GDAP1: variants seen among roughly 807,000 people sequenced by gnomAD.
GDAP1 encodes ganglioside-induced differentiation-associated protein 1.
GDAP1 carries 34 observed loss-of-function variants against 40.1 expected under a neutral mutation model. The ratio of observed to expected loss-of-function variants is 0.85; its 90% CI spans 0.64 to 1.13. The LOEUF (loss-of-function observed/expected upper bound fraction) is 1.13. Among genes scored for constraint, GDAP1 ranks in the 50% most tolerant of loss-of-function variants. The pLI is 0.00. For synonymous variants in GDAP1, 170 were observed against 157.4 expected (o/e 1.08, Z -0.60); for missense variants, 374 against 433.7 (o/e 0.86, Z 1.22).
intron 2 of GDAP1, among the ~76,000 whole-genome samples, chr8:74,472,714 CTT>C (rs1308979869): frequency 9.9e-5 from 1 of 10,084 alleles, no homozygotes; most frequent in Non-Finnish European, 3.8e-4. Context: ...GCTTTCTTTT[CTT>C]TTCTTTTCTT....
At chr8:74,395,213 G>C (rs1190134586) in intron 2 of GDAP1, among the ~76,000 whole-genome samples, 7 of 152,158 alleles carry the variant, frequency 4.6e-5, no homozygotes, top group Non-Finnish European at 1.5e-5. Context: ...ATGTTAGTGA[G>C]TATGGACACC....
rs2131520963 is a variant in GDAP1, at chr8:74,363,835, C to T, written c.695-150C>T. 27 of 683,970 alleles carry T rather than the reference C, an allele frequency of 3.9e-5. 2 individuals are homozygous for T. The South Asian group carries it at 4.6e-4, about 12-fold the overall frequency. The allele number at this position is 683,970 out of a possible 1,614,324, so 42.4% of individuals were successfully genotyped here. A position where few individuals can be genotyped will look rare whatever the true frequency, so the allele number is the denominator to read the frequency against. ...TTTTTTTAAAGCATGAAATTATTCT[C>T]TGAGTGTGGCTGTCAAGAAAATAAA... On this transcript the variant is annotated intron_variant, in intron 5 of 5. Coordinates refer to ENST00000220822, the MANE Select transcript of GDAP1 (RefSeq NM_018972.4).
chr8:74,469,093 T>C (rs1420555901), intron 2 of GDAP1, among the ~76,000 whole-genome samples: 2 of 152,214 alleles, frequency 1.3e-5, no homozygotes, highest in African/African-American at 4.8e-5. Context: ...TCCTGAATTA[T>C]TCTTACATTA....
intron 2 of GDAP1, among the ~76,000 whole-genome samples, chr8:74,430,192 G>A (rs1806008016): frequency 6.6e-6 from 1 of 152,224 alleles, no homozygotes; most frequent in African/African-American, 2.4e-5. Context: ...TACTTAGTTG[G>A]AGAAGCTGAA....
intron 2 of GDAP1, among the ~76,000 whole-genome samples, chr8:74,422,687 C>G (rs182293831): frequency 1.3e-5 from 2 of 151,958 alleles, no homozygotes; most frequent in South Asian, 2.1e-4. Context: ...AGAAAAGAGG[C>G]CTTCCTGACT....
chr8:74,397,703 C>G (rs1296079796), intron 2 of GDAP1, among the ~76,000 whole-genome samples: 2 of 152,114 alleles, frequency 1.3e-5, no homozygotes, highest in East Asian at 3.9e-4. Flanking sequence ...CTGTTCTGTT[C>G]CATTGATCTA....
intron 2 of GDAP1, among the ~76,000 whole-genome samples, chr8:74,378,751 A>T (rs1056152466): frequency 6.6e-6 from 1 of 152,142 alleles, no homozygotes; most frequent in Admixed American, 6.5e-5. Flanking sequence ...ATACATAGCT[A>T]TCCTATTTCT....
intron 2 of GDAP1, among the ~76,000 whole-genome samples, chr8:74,402,002 G>A (rs1159285926): frequency 3.3e-5 from 5 of 150,230 alleles, no homozygotes; most frequent in South Asian, 2.1e-4. Context: ...GGGGTCAGGG[G>A]TCAGGGACCC....
At chr8:74,400,015 AT>A (rs1299424787) in intron 2 of GDAP1, among the ~76,000 whole-genome samples, 1 of 145,090 alleles carries the variant, frequency 6.9e-6, no homozygotes, top group Non-Finnish European at 1.5e-5. Flanking sequence ...GCTGAAAAAA[AT>A]GTATATTCTG....
chr8:74,400,149 G>T (rs1171073389), intron 2 of GDAP1, among the ~76,000 whole-genome samples: 1 of 149,576 alleles, frequency 6.7e-6, no homozygotes, highest in African/African-American at 2.6e-5. Flanking sequence ...TGACCGTGGG[G>T]TGTTAAAGTC....
intron 2 of GDAP1, among the ~76,000 whole-genome samples, chr8:74,352,304 G>A (rs1467326766): frequency 6.6e-6 from 1 of 152,174 alleles, no homozygotes. Flanking sequence ...GATCACAATG[G>A]ACATTGATGA....
chr8:74,464,664 C>T (rs1044825511), intron 2 of GDAP1, among the ~76,000 whole-genome samples: 2 of 152,166 alleles, frequency 1.3e-5, no homozygotes, highest in Non-Finnish European at 2.9e-5. Context: ...GCTGTCTTGG[C>T]AGGATGCCTT....
At chr8:74,407,851 G>T (rs1805661040) in intron 2 of GDAP1, among the ~76,000 whole-genome samples, 1 of 149,604 alleles carries the variant, frequency 6.7e-6, no homozygotes, top group Admixed American at 6.6e-5. Flanking sequence ...CCTACTCTCT[G>T]TTCCTTTTTT....
chr8:74,481,116 G>A (rs1362171615), intron 2 of GDAP1, among the ~76,000 whole-genome samples: 6 of 152,190 alleles, frequency 3.9e-5, no homozygotes, highest in Non-Finnish European at 8.8e-5. Context: ...TTTAACAGTT[G>A]AAGAAACTGT....
At chr8:74,388,988 A>T (rs993342401) in intron 2 of GDAP1, among the ~76,000 whole-genome samples, 1 of 152,088 alleles carries the variant, frequency 6.6e-6, no homozygotes, top group Non-Finnish European at 1.5e-5. Context: ...TCTATCAGAG[A>T]TTAGGATTGC....
At chr8:74,377,538 C>T (rs1809877280) in intron 2 of GDAP1, among the ~76,000 whole-genome samples, 1 of 152,164 alleles carries the variant, frequency 6.6e-6, no homozygotes, top group African/African-American at 2.4e-5. Context: ...TATTAATATA[C>T]AGTCTAAGCC....
intron 2 of GDAP1, among the ~76,000 whole-genome samples, chr8:74,485,656 G>T (rs995297562): frequency 1.3e-5 from 2 of 152,064 alleles, no homozygotes; most frequent in African/African-American, 4.8e-5. Context: ...GAACCTGAAG[G>T]CTGGAGAGAC....
chr8:74,365,092 T>G lies in GDAP1; in HGVS notation c.*725T>G. 1 of 454,064 alleles carries G rather than the reference T, an allele frequency of 2.2e-6. No homozygotes were observed. The highest frequency in any genetic ancestry group is 4.4e-6 in the Non-Finnish European group (1 of 226,760). The allele number at this position is 454,064 out of a possible 1,614,324, so 28.1% of individuals were successfully genotyped here. Reference sequence around the variant, plus strand: ...TCCAGTCAGTGGGAGGTAGAAAGGGTGGCATCTGTAGCCCTCTTCATACAC... The same window carrying G: ...TCCAGTCAGTGGGAGGTAGAAAGGGGGGCATCTGTAGCCCTCTTCATACAC... On this transcript the variant is annotated 3_prime_UTR_variant, in exon 6 of 6. Coordinates refer to ENST00000220822, the MANE Select transcript of GDAP1 (RefSeq NM_018972.4).
intron 2 of GDAP1, among the ~76,000 whole-genome samples, chr8:74,382,960 C>T (rs1022806397): frequency 6.6e-6 from 1 of 152,138 alleles, no homozygotes; most frequent in Non-Finnish European, 1.5e-5. Context: ...CATTTGAATA[C>T]AATTTAAGCT....
Sources: gnomAD v4.1 joint callset for allele counts (sites outside exome capture counted in the v4.1 genomes callset) on GRCh38, gnomAD v4.1.1 for gene constraint, MANE v1.5 for transcripts, NCBI Gene and HGNC (gene_info 2026-07-23, HGNC 2026-07-21) for gene names.